TEAD1: variants seen among roughly 807,000 people sequenced by gnomAD.
TEAD1 encodes the protein TEA domain transcription factor 1, also known as transcriptional enhancer factor TEF-1.
A neutral mutation model predicts 54.9 loss-of-function variants in TEAD1; 9 were observed. The ratio of observed to expected loss-of-function variants is 0.16; its 90% CI spans 0.10 to 0.29. TEAD1 has a LOEUF of 0.29. TEAD1 is among the 10% of genes least tolerant of loss of function. TEAD1 has a pLI of 1.00. For synonymous variants in TEAD1, 200 were observed against 187.8 expected, an observed-to-expected ratio of 1.07 and a Z score of -0.53; for missense variants, 387 against 535.9, an observed-to-expected ratio of 0.72 and a Z score of 2.74.
intron 2 of TEAD1, among the ~76,000 whole-genome samples, chr11:12,751,756 C>T (rs952461905): frequency 1.3e-5 from 2 of 152,034 alleles, no homozygotes; most frequent in Non-Finnish European, 2.9e-5. Context: ...TGTAAAATAG[C>T]ATAAATAGAA....
intron 2 of TEAD1, among the ~76,000 whole-genome samples, chr11:12,704,580 C>T (rs779246132): frequency 3.3e-5 from 5 of 152,240 alleles, no homozygotes; most frequent in Non-Finnish European, 5.9e-5. Context: ...GAAAACCAAG[C>T]CTTCCTTTTA....
intron 3 of TEAD1, among the ~76,000 whole-genome samples, chr11:12,810,860 TC>T (rs1338300512): frequency 3.3e-5 from 5 of 152,216 alleles, no homozygotes; most frequent in African/African-American, 1.2e-4. Context: ...TAGTTAATAG[TC>T]CTTTTCCTAG....
intron 9 of TEAD1, among the ~76,000 whole-genome samples, chr11:12,893,276 C>A (rs903230882): frequency 1.3e-5 from 2 of 152,108 alleles, no homozygotes; most frequent in Non-Finnish European, 1.5e-5. Flanking sequence ...TCCAGCAGGA[C>A]GTAGGAGATG....
chr11:12,833,696 C>A (rs928588595), intron 3 of TEAD1, among the ~76,000 whole-genome samples: 1 of 152,120 alleles, frequency 6.6e-6, no homozygotes, highest in Non-Finnish European at 1.5e-5. Flanking sequence ...TCACAAACTG[C>A]CTCCACCATT....
intron 2 of TEAD1, among the ~76,000 whole-genome samples, chr11:12,743,179 C>T (rs544293557): frequency 8.5e-4 from 130 of 152,252 alleles, no homozygotes; most frequent in Admixed American, 1.4e-3. Flanking sequence ...TATCTGTTCC[C>T]CTCCGCAGAA....
Position 12,794,795 on chromosome 11 carries a change from T to G in TEAD1, c.202+30361T>G, listed in dbSNP as rs1945879904. On this transcript the variant is annotated intron_variant, in intron 3 of 12. Transcript: ENST00000527636. Reference sequence around the variant, plus strand: ...GCTGTGGCTGCAGCCTGTGAATGCCTTCCAAGAGGCCAGATGCCTGGACAC... The same window carrying G: ...GCTGTGGCTGCAGCCTGTGAATGCCGTCCAAGAGGCCAGATGCCTGGACAC... Among the ~76,000 whole-genome samples, 4 of 152,334 alleles carry G rather than the reference T, an allele frequency of 2.6e-5. No individual in the cohort carries two copies. The South Asian group carries it at 8.3e-4, about 32-fold the overall frequency.
intron 4 of TEAD1, 147 bp downstream of exon 4, chr11:12,862,461 G>T (rs1008431836): frequency 8.3e-6 from 6 of 724,392 alleles, no homozygotes; most frequent in African/African-American, 1.8e-5. Context: ...TTTTAAATTG[G>T]CTCAGTTTTC....
At chr11:12,739,007 A>T (rs1383275193) in intron 2 of TEAD1, among the ~76,000 whole-genome samples, 1 of 152,174 alleles carries the variant, frequency 6.6e-6, no homozygotes, top group Non-Finnish European at 1.5e-5. Context: ...ATAGGTATCC[A>T]GGAAGGCTCC....
intron 2 of TEAD1, among the ~76,000 whole-genome samples, chr11:12,691,003 G>A (rs1380240403): frequency 1.3e-5 from 2 of 152,078 alleles, no homozygotes; most frequent in African/African-American, 2.4e-5. Context: ...TGCTCACCTC[G>A]GCTTCCCAAA....
chr11:12,845,954 G>A (rs188396676), intron 3 of TEAD1, among the ~76,000 whole-genome samples: 40 of 152,312 alleles, frequency 2.6e-4, no homozygotes, highest in East Asian at 1.4e-3. Context: ...TGAAAGGCAC[G>A]AATCATCCAG....
intron 9 of TEAD1, among the ~76,000 whole-genome samples, chr11:12,883,552 G>A (rs1388972810): frequency 6.6e-6 from 1 of 152,130 alleles, no homozygotes; most frequent in African/African-American, 2.4e-5. Context: ...AGGAAACAGA[G>A]AGCGTAAGTA....
chr11:12,876,046 T>C (rs2134088902), intron 5 of TEAD1, among the ~76,000 whole-genome samples: 1 of 152,284 alleles, frequency 6.6e-6, no homozygotes, highest in African/African-American at 2.4e-5. Context: ...CCCCAGTGGG[T>C]ACACCTTTTA....
chr11:12,719,340 GGAA>G (rs1944130771), intron 2 of TEAD1, among the ~76,000 whole-genome samples: 6 of 152,070 alleles, frequency 3.9e-5, no homozygotes, highest in African/African-American at 7.2e-5. Flanking sequence ...GTGGGAGTAG[GGAA>G]AGTGGCTTCT....
intron 3 of TEAD1, among the ~76,000 whole-genome samples, chr11:12,833,239 A>G (rs1946817713): frequency 6.6e-6 from 1 of 152,312 alleles, no homozygotes; most frequent in Non-Finnish European, 1.5e-5. Context: ...GGATGACAAA[A>G]TGTCTATATT....
chr11:12,899,332 C>T (rs1948379300), intron 9 of TEAD1, among the ~76,000 whole-genome samples: 1 of 152,102 alleles, frequency 6.6e-6, no homozygotes, highest in African/African-American at 2.4e-5. Flanking sequence ...CTGTACTCCC[C>T]ATTCCATTTT....
chr11:12,868,019 A>G (rs1200505903), intron 5 of TEAD1, among the ~76,000 whole-genome samples: 3 of 152,194 alleles, frequency 2.0e-5, no homozygotes, highest in Admixed American at 2.0e-4. Flanking sequence ...GAAGGGGTAG[A>G]CAAAGGTCTA....
chr11:12,732,704 G>A (rs1438366155), intron 2 of TEAD1, among the ~76,000 whole-genome samples: 5 of 152,218 alleles, frequency 3.3e-5, no homozygotes, highest in Admixed American at 3.3e-4. Context: ...GACAGTTGGT[G>A]AATGCCCAAG....
chr11:12,861,998 TTTTTTTTTA>T (rs1302856991), intron 3 of TEAD1, among the ~76,000 whole-genome samples: 3 of 151,480 alleles, frequency 2.0e-5, no homozygotes, highest in Admixed American at 6.6e-5. Flanking sequence ...TTTTTTTTTT[TTTTTTTTTA>T]AAAAAAAGGA....
chr11:12,765,426 A>G (rs926007215), intron 3 of TEAD1, among the ~76,000 whole-genome samples: 2 of 152,234 alleles, frequency 1.3e-5, no homozygotes, highest in Admixed American at 6.5e-5. Context: ...CTCAAAGAGA[A>G]CTGGCTCAGT....
Sources: gnomAD v4.1 joint callset for allele counts (sites outside exome capture counted in the v4.1 genomes callset) on GRCh38, gnomAD v4.1.1 for gene constraint, MANE v1.5 for transcripts, NCBI Gene and HGNC (gene_info 2026-07-23, HGNC 2026-07-21) for gene names.